The following KCNMB1 variants were observed in gnomAD, a reference collection of about 807,000 sequenced individuals.
KCNMB1 encodes potassium calcium-activated channel subfamily M regulatory beta subunit 1, also known as calcium-activated potassium channel subunit beta-1.
KCNMB1 carries 22 observed loss-of-function variants against 21.7 expected under a neutral mutation model. The observed-to-expected ratio is 1.01, with a 90% CI of 0.72 to 1.45. The LOEUF is 1.45. Ranked by LOEUF, KCNMB1 falls within the 40% of genes most tolerant of loss-of-function variation. The probability of loss-of-function intolerance (pLI) is 0.00; values close to 1 mark genes in which losing one functional copy is unlikely to be tolerated. For missense variants in KCNMB1, 243 were observed against 243.4 expected, an observed-to-expected ratio of 1.00 and a Z score of 0.01; for synonymous variants, 114 against 107.6, an observed-to-expected ratio of 1.06 and a Z score of -0.37.
At chr5:170,380,100 G>A (rs314159) in intron 3 of KCNMB1, among the ~76,000 whole-genome samples, 48,026 of 152,152 alleles carry the variant, frequency 0.32, 7,825 homozygotes, top group South Asian at 0.41. Flanking sequence ...AAAGAGTTTT[G>A]TGCCAGCAGA....
chr5:170,382,397 C>G (rs947105777), intron 3 of KCNMB1, among the ~76,000 whole-genome samples: 12 of 152,140 alleles, frequency 7.9e-5, no homozygotes, highest in African/African-American at 2.9e-4. Flanking sequence ...GAGACATACA[C>G]ACTCACATTT....
At position 170,378,754 on chromosome 5, in the gene KCNMB1, C is replaced by A. The variant is rs773550380; in HGVS notation, c.526G>T (p.Ala176Ser). The part of the protein sequence containing the change: ...FLLTGGLLII[A>S]MVKSNQYLSI... ...AGGTACTGGTTGCTCTTCACCATGGCGATAATGAGGAGGCCACCGGTCAGC... is the reference window on the plus strand; with the variant it reads ...AGGTACTGGTTGCTCTTCACCATGGAGATAATGAGGAGGCCACCGGTCAGC... Residue 176 changes from alanine to serine, a missense_variant, in exon 4 of 4, where the codon GCC becomes TCC. Transcript: ENST00000274629. 6.2e-7 allele frequency: 1 copy of A among 1,613,934 alleles called. No individual in the cohort carries two copies. The highest frequency in any genetic ancestry group is 8.5e-7 in the Non-Finnish European group (1 of 1,179,972).
chr5:170,385,790 T>C (rs1240914710), intron 1 of KCNMB1, among the ~76,000 whole-genome samples: 1 of 151,906 alleles, frequency 6.6e-6, no homozygotes, highest in Non-Finnish European at 1.5e-5. Flanking sequence ...CAATGTTACT[T>C]TATGTGGCAA....
At chr5:170,388,855 A>G (rs189706637) in intron 1 of KCNMB1, among the ~76,000 whole-genome samples, 156 of 152,330 alleles carry the variant, frequency 1.0e-3, no homozygotes, top group African/African-American at 3.4e-3. Flanking sequence ...CCTAGCCCCA[A>G]ATCAGCCCCC....
intron 1 of KCNMB1, among the ~76,000 whole-genome samples, chr5:170,386,934 C>A (rs1055157230): frequency 6.6e-6 from 1 of 152,104 alleles, no homozygotes; most frequent in African/African-American, 2.4e-5. Context: ...CCCTGCTAGG[C>A]TCCTGATCGC....
intron 3 of KCNMB1, among the ~76,000 whole-genome samples, chr5:170,381,523 C>T (rs1317448309): frequency 1.3e-5 from 2 of 152,182 alleles, no homozygotes; most frequent in Admixed American, 6.5e-5. Context: ...TGGACATAGG[C>T]GGAAGGAGCA....
intron 3 of KCNMB1, among the ~76,000 whole-genome samples, chr5:170,381,611 A>G (rs573720399): frequency 6.6e-6 from 1 of 152,320 alleles, no homozygotes; most frequent in Non-Finnish European, 1.5e-5. Flanking sequence ...GCAGCCTGCT[A>G]TCAGCACCAC....
At chr5:170,379,612 T>C (rs970664558) in intron 3 of KCNMB1, among the ~76,000 whole-genome samples, 1 of 152,090 alleles carries the variant, frequency 6.6e-6, no homozygotes, top group African/African-American at 2.4e-5. Context: ...CTCCAGGCAA[T>C]GGATGTCAGG....
At position 170,378,468 on chromosome 5, in the gene KCNMB1, A is replaced by G; in HGVS notation, c.*236T>C. On this transcript the variant is annotated 3_prime_UTR_variant, in exon 4 of 4. Transcript: ENST00000274629. ...GTGGGGACAGGTAATAGAGAGCTAG[A>G]ACTGGCTGGCCTTATGGCCTCCAAG... 2 of 540,032 alleles carry G rather than the reference A, an allele frequency of 3.7e-6. No individual in the cohort carries two copies. Among genetic ancestry groups the G allele is most frequent in the East Asian group, 3.0e-5 (1 of 32,816 alleles). The allele number at this position is 540,032 out of a possible 1,614,324, so 33.5% of individuals were successfully genotyped here.
chr5:170,383,556 C>T (rs923862005), intron 3 of KCNMB1, 123 bp downstream of exon 3: 8 of 1,084,524 alleles, frequency 7.4e-6, no homozygotes, highest in South Asian at 1.3e-5. Flanking sequence ...CAGTCTCATT[C>T]CAGCTGTGAG....
chr5:170,379,073 C>T (rs1392035492), intron 3 of KCNMB1, 100 bp from the exon 4 acceptor site: 6 of 1,423,890 alleles, frequency 4.2e-6, no homozygotes, highest in African/African-American at 2.9e-5. Context: ...TGTAGTCGGG[C>T]CCCTGGATTG....
At chr5:170,382,311 G>A (rs1764275242) in intron 3 of KCNMB1, among the ~76,000 whole-genome samples, 1 of 152,322 alleles carries the variant, frequency 6.6e-6, no homozygotes, top group South Asian at 2.1e-4. Context: ...ACCTTGATAT[G>A]TCTAGTGTTG....
chr5:170,385,230 G>T, intron 2 of KCNMB1, 84 bp downstream of exon 2: 10 of 1,441,058 alleles, frequency 6.9e-6, no homozygotes, highest in Non-Finnish European at 9.7e-6. Flanking sequence ...CAAGGAGAGG[G>T]GTGAGTAGAA....
intron 3 of KCNMB1, among the ~76,000 whole-genome samples, chr5:170,379,252 C>T (rs570067453): frequency 6.6e-6 from 1 of 152,216 alleles, no homozygotes; most frequent in East Asian, 1.9e-4. Context: ...CTTGGATTGG[C>T]TGTAGAATTT....
chr5:170,379,901 A>C (rs1249166748), intron 3 of KCNMB1, among the ~76,000 whole-genome samples: 2 of 151,852 alleles, frequency 1.3e-5, no homozygotes, highest in Non-Finnish European at 2.9e-5. Flanking sequence ...GCAGTGAGCT[A>C]TGATCTCGCA....
Position 170,378,499 on chromosome 5 carries a change from G to T in KCNMB1, c.*205C>A. The stretch of plus-strand genomic sequence containing the variant: ...CTGGCCTTATGGCCTCCAAGGCATT[G>T]GGGAGCCACTGTACATTCTTGAGCA... On this transcript the variant is annotated 3_prime_UTR_variant, in exon 4 of 4. Coordinates refer to ENST00000274629, the MANE Select transcript of KCNMB1 (RefSeq NM_004137.4). The T allele has an allele frequency of 1.6e-6, 1 of 616,646 alleles. No homozygotes were observed. The highest frequency in any genetic ancestry group is 1.8e-5 in the African/African-American group (1 of 54,754). The allele number at this position is 616,646 out of a possible 1,614,324, so 38.2% of individuals were successfully genotyped here. A position where few individuals can be genotyped will look rare whatever the true frequency, so the allele number is the denominator to read the frequency against.
intron 1 of KCNMB1, among the ~76,000 whole-genome samples, chr5:170,385,789 T>G (rs1403439851): frequency 6.6e-6 from 1 of 151,994 alleles, no homozygotes. Context: ...TCAATGTTAC[T>G]TTATGTGGCA....
intron 1 of KCNMB1, among the ~76,000 whole-genome samples, chr5:170,388,021 C>T (rs1293171329): frequency 6.7e-6 from 1 of 149,414 alleles, no homozygotes; most frequent in African/African-American, 2.5e-5. Flanking sequence ...CTAATCAGCC[C>T]CCCCCAGCGC....
chr5:170,388,222 G>A (rs1756125532), intron 1 of KCNMB1, among the ~76,000 whole-genome samples: 3 of 152,204 alleles, frequency 2.0e-5, no homozygotes, highest in Non-Finnish European at 4.4e-5. Context: ...GTCTCTAATG[G>A]TCTGATGAGA....
Sources: allele counts gnomAD v4.1 joint callset (sites outside exome capture counted in the v4.1 genomes callset), GRCh38; gene constraint gnomAD v4.1.1; transcripts MANE v1.5; gene names NCBI Gene and HGNC (gene_info 2026-07-23, HGNC 2026-07-21).